LATS1: variants seen among roughly 807,000 people sequenced by gnomAD.
LATS1 encodes the protein serine/threonine-protein kinase LATS1.
LATS1 carries 25 observed loss-of-function variants against 106.6 expected under a neutral mutation model. The ratio of observed to expected loss-of-function variants is 0.23; its 90% CI spans 0.17 to 0.33. LATS1 has a LOEUF of 0.33. Ranked by LOEUF, LATS1 falls within the 10% of genes least tolerant of loss-of-function variation. LATS1 has a pLI of 1.00. For missense variants in LATS1, 1,040 were observed against 1,382.6 expected (o/e 0.75, Z 3.93); for synonymous variants, 465 against 455.6 (o/e 1.02, Z -0.26).
At chr6:149,698,312 C>T (rs1414334097) in intron 2 of LATS1, among the ~76,000 whole-genome samples, 1 of 150,760 alleles carries the variant, frequency 6.6e-6, no homozygotes, top group East Asian at 2.0e-4. Context: ...GGTGCAACCA[C>T]AACTCATTGC....
At chr6:149,699,660 C>T (rs572616565) in intron 2 of LATS1, among the ~76,000 whole-genome samples, 10 of 152,176 alleles carry the variant, frequency 6.6e-5, no homozygotes, top group African/African-American at 9.6e-5. Context: ...CTTTGTAATA[C>T]AAACCAATTA....
chr6:149,706,577 AG>A (rs745649258), intron 1 of LATS1, among the ~76,000 whole-genome samples: 7 of 152,182 alleles, frequency 4.6e-5, no homozygotes, highest in Non-Finnish European at 8.8e-5. Flanking sequence ...ATTTGGAAAA[AG>A]GGATGCTGCA....
intron 3 of LATS1, among the ~76,000 whole-genome samples, chr6:149,684,930 C>G (rs1782279833): frequency 6.6e-6 from 1 of 152,042 alleles, no homozygotes; most frequent in Non-Finnish European, 1.5e-5. Flanking sequence ...TTTCCTTTTA[C>G]CTTTTAGAAT....
At chr6:149,694,122 G>A (rs9285524) in intron 3 of LATS1, among the ~76,000 whole-genome samples, 81,195 of 151,978 alleles carry the variant, frequency 0.53, 24,852 homozygotes, top group East Asian at 0.83. Context: ...ATAAATTGGT[G>A]CTATCTTTCT....
At position 149,683,278 on chromosome 6, in the gene LATS1, T is replaced by C. The variant is rs1010190590; in HGVS notation, c.1811A>G (p.Asp604Gly). ...EKSYENVDSG[D>G]KEKKQITTSP... Reference sequence around the variant, plus strand: ...AGTTGTAATCTGTTTCTTTTCTTTATCCCCACTATCAACATTTTCATAACT... The same window carrying C: ...AGTTGTAATCTGTTTCTTTTCTTTACCCCCACTATCAACATTTTCATAACT... The change falls in exon 4 of 8, where the codon GAT (aspartate) becomes GGT (glycine). Residue 604 changes from aspartate (D) to glycine (G), a missense_variant. This residue lies in a region of LATS1 where 167 missense variants were observed against 332.1 expected (regional missense o/e 0.50). Coordinates refer to ENST00000543571, the MANE Select transcript of LATS1 (RefSeq NM_004690.4). 4 of 1,613,986 alleles carry C rather than the reference T, an allele frequency of 2.5e-6. No individual in the cohort carries two copies. Among genetic ancestry groups the C allele is most frequent in the Non-Finnish European group, 8.5e-7 (1 of 1,179,944 alleles).
rs1433026975 is a variant in LATS1 at position 149,680,271 on chromosome 6, T to C, written c.2197A>G (p.Thr733Ala). ...RKVDTKALYA[T>A]KTLRKKDVLL... ...ACATCTTTCTTTCGAAGAGTTTTTG[T>C]TGCATACAAAGCCTTAGTATCTACT... is the stretch of plus-strand genomic sequence containing the variant. Residue 733 changes from threonine to alanine, a missense_variant, in exon 5 of 8, where the codon ACA becomes GCA. By Grantham distance (58) the Thr-to-Ala change is moderately conservative (BLOSUM62 0). Coordinates refer to ENST00000543571, the MANE Select transcript of LATS1 (RefSeq NM_004690.4). 5 of 1,613,918 alleles carry C rather than the reference T, an allele frequency of 3.1e-6. No homozygotes were observed. Among genetic ancestry groups the C allele is most frequent in the Non-Finnish European group, 4.2e-6 (5 of 1,179,994 alleles).
rs1482912556 is a variant in LATS1 at position 149,658,196 on chromosome 6, CT to C, written c.*3532del. ...TTTTATTATCCCAGCAAACATTACA[CT>C]AGAGAAAATGATTGGGAAAATACAA... On this transcript the variant is annotated 3_prime_UTR_variant, in exon 8 of 8. Coordinates refer to ENST00000543571, the MANE Select transcript of LATS1 (RefSeq NM_004690.4). 2 of 152,028 alleles carry C rather than the reference CT, an allele frequency of 1.3e-5. No homozygotes were observed. The highest frequency in any genetic ancestry group is 2.9e-5 in the Non-Finnish European group (2 of 67,982). The allele number at this position is 152,028 out of a possible 1,614,324, so 9.4% of individuals were successfully genotyped here.
At chr6:149,700,266 G>A (rs567965641) in intron 2 of LATS1, among the ~76,000 whole-genome samples, 1 of 152,238 alleles carries the variant, frequency 6.6e-6, no homozygotes, top group South Asian at 2.1e-4. Flanking sequence ...ACGAGGTCAG[G>A]AGTTCGAGAC....
rs1490389858 is a variant in LATS1, at chr6:149,662,224, T to A, written c.2898A>T (p.Gln966His). 2.5e-6 allele frequency: 4 copies of A among 1,601,716 alleles called. No homozygotes were observed. Among genetic ancestry groups the A allele is most frequent in the Non-Finnish European group, 2.6e-6 (3 of 1,176,052 alleles). Residue 966 changes from glutamine to histidine, a missense_variant, in exon 8 of 8, where the codon CAA (glutamine) becomes CAT (histidine). By Grantham distance (24) the Gln-to-His change is conservative. Around this residue, in one of 7 missense-constraint regions of LATS1, gnomAD observed 113 missense variants for 146.3 expected, o/e 0.77. Coordinates refer to ENST00000543571, the MANE Select transcript of LATS1 (RefSeq NM_004690.4). ...CTTGTGGTGGAATGTGAAGAGATGT[T>A]TGCCAGTTGATAACCTTTAAAGATT... The part of the protein sequence containing the change: ...LETQMKVINW[Q>H]TSLHIPPQAK...
intron 3 of LATS1, among the ~76,000 whole-genome samples, chr6:149,694,136 C>T (rs576475341): frequency 6.6e-6 from 1 of 152,202 alleles, no homozygotes; most frequent in African/African-American, 2.4e-5. Flanking sequence ...TCTTTCTAGA[C>T]AGCAATATCT....
chr6:149,683,653 G>T lies in LATS1; in HGVS notation c.1436C>A (p.Ser479Tyr), dbSNP rs367771272. The change falls in exon 4 of 8, where the codon TCT becomes TAT. Residue 479 changes from serine to tyrosine, a missense_variant. Transcript: ENST00000543571. ...AGTGACTGTTGTAGCAGAAGGCTGA[G>T]AATTAGCAGAGTGACTTGCTCTATT... ...LGNRASHSAN[S>Y]QPSATTVTAI... The T allele has an allele frequency of 3.1e-6, 5 of 1,614,062 alleles. No homozygotes were observed. The African/African-American group carries it at 6.7e-5, about 22-fold the overall frequency.
chr6:149,715,881 C>T (rs1191155163), intron 1 of LATS1, among the ~76,000 whole-genome samples: 1 of 152,090 alleles, frequency 6.6e-6, no homozygotes, highest in African/African-American at 2.4e-5. Context: ...AATAATTCTT[C>T]AAAGCAAAAC....
chr6:149,663,453 C>T (rs561021997), intron 7 of LATS1, among the ~76,000 whole-genome samples: 7 of 151,924 alleles, frequency 4.6e-5, no homozygotes, highest in Admixed American at 1.3e-4. Flanking sequence ...CCAGCCTGGG[C>T]GACAGAGCAA....
At chr6:149,687,208 A>G (rs1382370514) in intron 3 of LATS1, among the ~76,000 whole-genome samples, 1 of 151,414 alleles carries the variant, frequency 6.6e-6, no homozygotes, top group African/African-American at 2.4e-5. Context: ...CTCCTGCCTC[A>G]GCCCCCTGTG....
chr6:149,678,164 C>CAAAAAAAAAAAAAAAAAAA lies in LATS1; in HGVS notation c.2594-1446_2594-1428dup, dbSNP rs56884854. ...TGAAACCTGGTCTCTACTAAAAATC[C>CAAAAAAAAAAAAAAAAAAA]AAAAAAAAAAAAAAAAAAAAAAAAA... On this transcript the variant is annotated intron_variant, in intron 5 of 7. Coordinates refer to ENST00000543571, the MANE Select transcript of LATS1 (RefSeq NM_004690.4). 4.6e-5 allele frequency among the ~76,000 whole-genome samples: 2 copies of CAAAAAAAAAAAAAAAAAAA among 43,506 alleles called. 1 individual carries two copies. The highest frequency in any genetic ancestry group is 2.0e-4 in the African/African-American group (2 of 10,156). 28.5% of individuals were successfully genotyped at this position (43,506 alleles called of 152,430 possible).
At chr6:149,704,230 C>T (rs1400334604) in intron 1 of LATS1, among the ~76,000 whole-genome samples, 5 of 151,916 alleles carry the variant, frequency 3.3e-5, no homozygotes, top group East Asian at 1.9e-4. Flanking sequence ...CTCGGACTCC[C>T]GACCTCAGGT....
chr6:149,710,856 G>C (rs1034896395), intron 1 of LATS1, among the ~76,000 whole-genome samples: 3 of 152,194 alleles, frequency 2.0e-5, no homozygotes, highest in Non-Finnish European at 2.9e-5. Context: ...ATAAGTAAAT[G>C]ATGAGTTCAA....
intron 3 of LATS1, among the ~76,000 whole-genome samples, chr6:149,691,690 C>T (rs1405450378): frequency 2.0e-5 from 3 of 152,078 alleles, no homozygotes; most frequent in East Asian, 3.9e-4. Context: ...TGGTTGCAGG[C>T]CATCTTATTA....
intron 2 of LATS1, among the ~76,000 whole-genome samples, chr6:149,698,552 C>CTT (rs748004563): frequency 4.7e-5 from 6 of 128,958 alleles, no homozygotes; most frequent in South Asian, 2.5e-4. Flanking sequence ...AGCCAGAAGT[C>CTT]TTTTTTTTTT....
Sources: gnomAD v4.1 joint callset for allele counts (sites outside exome capture counted in the v4.1 genomes callset) on GRCh38, gnomAD v4.1.1 for gene constraint, gnomAD v4.1.1 regional missense constraint, MANE v1.5 for transcripts, NCBI Gene and HGNC (gene_info 2026-07-23, HGNC 2026-07-21) for gene names.